The following URB1 variants were observed in gnomAD, a reference collection of about 807,000 sequenced individuals.
URB1 encodes the protein URB1 ribosome biogenesis factor, also known as nucleolar pre-ribosomal-associated protein 1.
In URB1, 197 loss-of-function variants were observed where a neutral mutation model predicts 242.3. The ratio of observed to expected loss-of-function variants is 0.81; its 90% confidence interval spans 0.72 to 0.91. The LOEUF is 0.91. Among genes scored for constraint, URB1 ranks in the 40% least tolerant of loss-of-function variants. The pLI, the probability that URB1 is intolerant of heterozygous loss-of-function variation, is 0.00. For synonymous variants in URB1, 1,153 were observed against 1,201.8 expected, an observed-to-expected ratio of 0.96 and a Z score of 0.84; for missense variants, 2,721 against 2,860.5, an observed-to-expected ratio of 0.95 and a Z score of 1.11.
intron 37 of URB1, among the ~76,000 whole-genome samples, chr21:32,317,449 C>G (rs772795635): frequency 2.0e-5 from 3 of 152,152 alleles, no homozygotes; most frequent in Non-Finnish European, 4.4e-5. Context: ...CACCATGATA[C>G]TAAGGTAGGT....
At chr21:32,358,892 A>G (rs2033253883) in intron 14 of URB1, among the ~76,000 whole-genome samples, 1 of 152,168 alleles carries the variant, frequency 6.6e-6, no homozygotes, top group Non-Finnish European at 1.5e-5. Context: ...AGGTTCTGAC[A>G]CACTGTGCCC....
chr21:32,358,585 G>C (rs2033250114), intron 14 of URB1, among the ~76,000 whole-genome samples: 1 of 152,184 alleles, frequency 6.6e-6, no homozygotes, highest in South Asian at 2.1e-4. Context: ...AAATGGTGAG[G>C]TGCTGGTTAG....
chr21:32,357,892 A>G (rs2033242078), intron 14 of URB1, among the ~76,000 whole-genome samples: 1 of 152,058 alleles, frequency 6.6e-6, no homozygotes, highest in Admixed American at 6.6e-5. Context: ...AGCCAGTCAT[A>G]GTGGTGCATG....
At chr21:32,366,332 G>A (rs1411179887) in intron 10 of URB1, among the ~76,000 whole-genome samples, 1 of 152,150 alleles carries the variant, frequency 6.6e-6, no homozygotes, top group African/African-American at 2.4e-5. Context: ...GACTAGAAAG[G>A]CTTGGAGGGA....
At chr21:32,317,624 G>T in intron 37 of URB1, 52 bp downstream of exon 37, 1 of 1,541,434 alleles carries the variant, frequency 6.5e-7, no homozygotes, top group Non-Finnish European at 8.8e-7. Context: ...GACGGACAGG[G>T]TGAGAGAGAC....
chr21:32,340,627 A>G (rs1398078297), intron 25 of URB1, among the ~76,000 whole-genome samples: 2 of 152,194 alleles, frequency 1.3e-5, no homozygotes, highest in African/African-American at 4.8e-5. Context: ...AACAAAAACA[A>G]AAAATTTGCT....
chr21:32,382,792 G>C (rs1477908852), intron 4 of URB1, among the ~76,000 whole-genome samples: 1 of 152,096 alleles, frequency 6.6e-6, no homozygotes. Context: ...AAGCTCAGGA[G>C]TCCTCCAAGT....
chr21:32,329,018 T>C lies in URB1; in HGVS notation c.4961-3629A>G, dbSNP rs1247267902. Among the ~76,000 whole-genome samples, 5 of 151,852 alleles carry C rather than the reference T, an allele frequency of 3.3e-5. No individual in the cohort carries two copies. The East Asian group carries it at 5.8e-4, about 18-fold the overall frequency. ...GCTCACCCAGCCTCCCAAGGTGCTGTAATCCCCCAGCAACTTGGGAGGCTG... is the reference window on the plus strand; with the variant it reads ...GCTCACCCAGCCTCCCAAGGTGCTGCAATCCCCCAGCAACTTGGGAGGCTG... On this transcript the variant is annotated intron_variant, in intron 30 of 38. Transcript: ENST00000382751.
At chr21:32,348,043 C>T (rs989498210) in intron 21 of URB1, among the ~76,000 whole-genome samples, 1 of 152,266 alleles carries the variant, frequency 6.6e-6, no homozygotes, top group Non-Finnish European at 1.5e-5. Context: ...GCCTGAGACA[C>T]TCCACCTGCC....
intron 12 of URB1, 90 bp from the exon 13 acceptor site, chr21:32,361,213 T>G: frequency 2.5e-4 from 72 of 284,090 alleles, no homozygotes; most frequent in Non-Finnish European, 2.9e-4. Context: ...GAAAATAGCT[T>G]GAATTAGAAA....
intron 23 of URB1, 125 bp from the exon 24 acceptor site, chr21:32,344,881 T>G: frequency 9.1e-7 from 1 of 1,101,714 alleles, no homozygotes; most frequent in Non-Finnish European, 1.2e-6. Context: ...CACTACCCAC[T>G]CACAGGAATC....
At chr21:32,384,238 A>C (rs191629630) in intron 3 of URB1, 75 bp downstream of exon 3, 1 of 1,487,514 alleles carries the variant, frequency 6.7e-7, no homozygotes, top group African/African-American at 1.4e-5. Flanking sequence ...GTACTGACCA[A>C]ATGCACCTGC....
chr21:32,355,583 C>A lies in URB1; in HGVS notation c.1990-18G>T. 2 of 1,543,214 alleles carry A rather than the reference C, an allele frequency of 1.3e-6. No homozygotes were observed. Among genetic ancestry groups the A allele is most frequent in the Non-Finnish European group, 1.8e-6 (2 of 1,139,358 alleles). On this transcript the variant is annotated intron_variant, in intron 15 of 38. Transcript: ENST00000382751. ...CGCAGAATCTGCCAGGAAGTAGGCA[C>A]CGGTGAAAAAGTCAGAACAGAACGC...
In URB1 at chr21:32,314,829, T is replaced by A; in HGVS notation, c.*89A>T. The A allele has an allele frequency of 6.7e-7, 1 of 1,500,862 alleles. No individual in the cohort carries two copies. 93.0% of individuals were successfully genotyped at this position (1,500,862 alleles called of 1,614,324 possible). ...AACCTGTTGTTTCCCATGCCTTCTC[T>A]GGAAACCCTTGACTCAACCAAACTT... On this transcript the variant is annotated 3_prime_UTR_variant, in exon 39 of 39. Coordinates refer to ENST00000382751, the MANE Select transcript of URB1 (RefSeq NM_014825.3).
chr21:32,367,455 G>GAAT (rs1384190211), intron 9 of URB1, among the ~76,000 whole-genome samples: 2 of 152,186 alleles, frequency 1.3e-5, no homozygotes, highest in Non-Finnish European at 2.9e-5. Flanking sequence ...CACTCAAGCA[G>GAAT]AATAAAAGCT....
Position 32,362,041 on chromosome 21 carries a change from A to C in URB1, c.1510-20T>G. Reference sequence around the variant, plus strand: ...CAAAATCTAAATGGGAAAAAGAAGCAGAACATTAGTTGTAGTCAACCACAA... The same window carrying C: ...CAAAATCTAAATGGGAAAAAGAAGCCGAACATTAGTTGTAGTCAACCACAA... On this transcript the variant is annotated intron_variant, in intron 11 of 38. Coordinates refer to ENST00000382751, the MANE Select transcript of URB1 (RefSeq NM_014825.3). 6.4e-7 allele frequency: 1 copy of C among 1,550,682 alleles called. No individual in the cohort carries two copies. The highest frequency in any genetic ancestry group is 8.7e-7 in the Non-Finnish European group (1 of 1,146,624).
At position 32,372,424 on chromosome 21, in the gene URB1, T is replaced by C. The variant is rs1434990101; in HGVS notation, c.1001+83A>G. The C allele has an allele frequency of 2.7e-6, 4 of 1,473,306 alleles. No individual in the cohort carries two copies. In the African/African-American group the frequency reaches 5.7e-5, roughly 21 times the overall value. The allele number at this position is 1,473,306 out of a possible 1,614,324, so 91.3% of individuals were successfully genotyped here. On this transcript the variant is annotated intron_variant, in intron 8 of 38. Coordinates refer to ENST00000382751, the MANE Select transcript of URB1 (RefSeq NM_014825.3). ...GTCCACAATTCTAGTTCTAACCTAC[T>C]ACAGTTCCACTAGACACTCACATAT...
chr21:32,387,418 A>AAAAAC (rs754207760), intron 1 of URB1, among the ~76,000 whole-genome samples: 2 of 152,164 alleles, frequency 1.3e-5, no homozygotes, highest in Non-Finnish European at 1.5e-5. Flanking sequence ...ACTCCGTCTC[A>AAAAAC]AAAACAAAAC....
At chr21:32,377,755 C>G (rs1443522415) in intron 5 of URB1, among the ~76,000 whole-genome samples, 2 of 152,152 alleles carry the variant, frequency 1.3e-5, no homozygotes, top group African/African-American at 4.8e-5. Context: ...ACCCAAACAC[C>G]CTGAGTACAG....
Sources: gnomAD v4.1 joint callset for allele counts (sites outside exome capture counted in the v4.1 genomes callset) on GRCh38, gnomAD v4.1.1 for gene constraint, MANE v1.5 for transcripts, NCBI Gene and HGNC (gene_info 2026-07-23, HGNC 2026-07-21) for gene names.